RBBP8: variants seen among roughly 807,000 people sequenced by gnomAD.
The protein encoded by RBBP8 is RB binding protein 8, endonuclease, also known as DNA endonuclease RBBP8.
A neutral mutation model predicts 108.3 loss-of-function variants in RBBP8; 88 were observed. That is an observed-to-expected ratio of 0.81 (90% confidence interval 0.68 to 0.97). The LOEUF is 0.97. Among genes scored for constraint, RBBP8 ranks in the 50% least tolerant of loss-of-function variants. The pLI is 0.00. For synonymous variants in RBBP8, 332 were observed against 348.2 expected, an observed-to-expected ratio of 0.95 and a Z score of 0.52; for missense variants, 1,023 against 1,049.0, an observed-to-expected ratio of 0.98 and a Z score of 0.34.
chr18:22,996,969 A>G (rs1567988363), intron 13 of RBBP8, among the ~76,000 whole-genome samples: 1 of 152,214 alleles, frequency 6.6e-6, no homozygotes, highest in Non-Finnish European at 1.5e-5. Context: ...CTGCACATCC[A>G]GCCTAGGCAA....
intron 2 of RBBP8, among the ~76,000 whole-genome samples, chr18:22,938,278 C>T (rs1261972007): frequency 6.6e-6 from 1 of 152,120 alleles, no homozygotes; most frequent in Non-Finnish European, 1.5e-5. Context: ...ACTACAGGCG[C>T]ACGCACCATG....
intron 3 of RBBP8, among the ~76,000 whole-genome samples, chr18:22,921,946 A>C (rs999958935): frequency 6.6e-6 from 1 of 152,136 alleles, no homozygotes; most frequent in Non-Finnish European, 1.5e-5. Flanking sequence ...ACTACATTGG[A>C]CCCTCGAGTA....
chr18:23,015,435 T>A (rs950971569), intron 16 of RBBP8, among the ~76,000 whole-genome samples: 1 of 152,190 alleles, frequency 6.6e-6, no homozygotes, highest in East Asian at 1.9e-4. Context: ...AAGGCAGAAA[T>A]AAGAAGTAAT....
At chr18:22,924,638 G>A (rs750216285) in intron 3 of RBBP8, among the ~76,000 whole-genome samples, 1 of 151,560 alleles carries the variant, frequency 6.6e-6, no homozygotes, top group Non-Finnish European at 1.5e-5. Flanking sequence ...GCCCAGGCTG[G>A]TCTCAAACTT....
chr18:23,020,299 T>C (rs2144838770), intron 17 of RBBP8, among the ~76,000 whole-genome samples: 1 of 151,988 alleles, frequency 6.6e-6, no homozygotes, highest in Non-Finnish European at 1.5e-5. Context: ...TGCATGCCTG[T>C]TATCCCAGCT....
At chr18:22,926,816 A>C (rs1300241758) in intron 3 of RBBP8, among the ~76,000 whole-genome samples, 1 of 152,228 alleles carries the variant, frequency 6.6e-6, no homozygotes, top group Non-Finnish European at 1.5e-5. Flanking sequence ...TTTAATGTCC[A>C]TTATGAGCAT....
chr18:23,019,096 G>C lies in RBBP8; in HGVS notation c.2454+2172G>C, dbSNP rs562820640. On this transcript the variant is annotated intron_variant, in intron 17 of 18. Transcript: ENST00000327155. ...AAGCAGTTTGGCAATACAAGCAAAA[G>C]CCTATAATGTGAGTTCGTGAGTTTT... 1.2e-4 allele frequency among the ~76,000 whole-genome samples: 18 copies of C among 152,278 alleles called. No individual in the cohort carries two copies. In the South Asian group the frequency reaches 3.7e-3, roughly 32 times the overall value.
At chr18:23,025,084 G>A (rs2046431592) in intron 18 of RBBP8, among the ~76,000 whole-genome samples, 1 of 151,660 alleles carries the variant, frequency 6.6e-6, no homozygotes, top group South Asian at 2.1e-4. Context: ...CCTGGCTCTA[G>A]ACGAAATAAA....
chr18:22,926,811 T>A (rs1225783180), intron 3 of RBBP8, among the ~76,000 whole-genome samples: 1 of 152,220 alleles, frequency 6.6e-6, no homozygotes, highest in Non-Finnish European at 1.5e-5. Flanking sequence ...TACTCTTTAA[T>A]GTCCATTATG....
chr18:22,982,511 A>G, intron 7 of RBBP8, 118 bp downstream of exon 7: 4 of 1,557,250 alleles, frequency 2.6e-6, no homozygotes, highest in Non-Finnish European at 3.5e-6. Flanking sequence ...ATCCCATGGT[A>G]CAACTATGAG....
chr18:23,020,871 C>G (rs1170636864), intron 17 of RBBP8, among the ~76,000 whole-genome samples: 2 of 152,162 alleles, frequency 1.3e-5, no homozygotes, highest in African/African-American at 4.8e-5. Context: ...CTCATCTCAT[C>G]CCAAAGCCCA....
chr18:22,996,745 C>T (rs1373487475), intron 13 of RBBP8, among the ~76,000 whole-genome samples: 1 of 152,022 alleles, frequency 6.6e-6, no homozygotes, highest in Non-Finnish European at 1.5e-5. Context: ...GCCTGTAATC[C>T]CAACACTCTG....
intron 18 of RBBP8, among the ~76,000 whole-genome samples, chr18:23,023,140 CT>C: frequency 6.6e-6 from 1 of 152,112 alleles, no homozygotes; most frequent in South Asian, 2.1e-4. Flanking sequence ...TCAAGTGGTC[CT>C]CCTGCCTTGA....
In RBBP8 at chr18:23,026,322, T is replaced by C; in HGVS notation, c.*82T>C. 8.7e-7 allele frequency: 1 copy of C among 1,152,324 alleles called. No individual in the cohort carries two copies. Among genetic ancestry groups the C allele is most frequent in the South Asian group, 1.3e-5 (1 of 76,140 alleles). 71.4% of individuals were successfully genotyped at this position (1,152,324 alleles called of 1,614,324 possible). On this transcript the variant is annotated 3_prime_UTR_variant, in exon 19 of 19. Coordinates refer to ENST00000327155, the MANE Select transcript of RBBP8 (RefSeq NM_002894.3). The stretch of plus-strand genomic sequence containing the variant: ...AGTTAAAGTTGGTACTAAACATTGA[T>C]TTTTTTGATCTTCTGTAAATGGATT...
chr18:22,993,706 T>C lies in RBBP8; in HGVS notation c.1813-15T>C, dbSNP rs2045791427. On this transcript the variant is annotated splice_polypyrimidine_tract_variant and intron_variant, in intron 11 of 18. Coordinates refer to ENST00000327155, the MANE Select transcript of RBBP8 (RefSeq NM_002894.3). ...TTGTGATTTCATTTAGAGCTAACAA[T>C]TATTTCTGTTTTAGAGTGCTGGTTC... The C allele has an allele frequency of 1.7e-5, 28 of 1,614,194 alleles. No individual in the cohort carries two copies. Among genetic ancestry groups the C allele is most frequent in the Non-Finnish European group, 2.4e-5 (28 of 1,180,026 alleles).
At chr18:22,985,764 T>A (rs1915283424) in intron 8 of RBBP8, among the ~76,000 whole-genome samples, 2 of 151,924 alleles carry the variant, frequency 1.3e-5, no homozygotes, top group Non-Finnish European at 2.9e-5. Context: ...TGAGTAGATG[T>A]GAGTTAGAAT....
At chr18:22,955,925 C>G (rs1912492511) in intron 4 of RBBP8, among the ~76,000 whole-genome samples, 1 of 152,128 alleles carries the variant, frequency 6.6e-6, no homozygotes. Context: ...TTTACTATTT[C>G]ATGATGCCTC....
intron 2 of RBBP8, among the ~76,000 whole-genome samples, chr18:22,916,572 A>T (rs1909367699): frequency 6.6e-6 from 1 of 152,054 alleles, no homozygotes; most frequent in Non-Finnish European, 1.5e-5. Context: ...TGTGTTAATG[A>T]ATCTTTGGTG....
Position 22,989,313 on chromosome 18 carries a change from G to A in RBBP8, c.802G>A (p.Glu268Lys). 6.3e-7 allele frequency: 1 copy of A among 1,588,170 alleles called. No individual in the cohort carries two copies. Among genetic ancestry groups the A allele is most frequent in the Non-Finnish European group, 8.6e-7 (1 of 1,157,094 alleles). ...AETLGLGVQE[E>K]SETQGPMSPL... ...AACACTTGGACTTGGTGTTCAAGAA[G>A]AATCTGTAAGTAATTGTTTAGTTTG... The change falls in exon 9 of 19, where the codon GAA becomes AAA. Residue 268 changes from glutamate to lysine, a missense_variant. Transcript: ENST00000327155.
Sources: gnomAD v4.1 joint callset for allele counts (sites outside exome capture counted in the v4.1 genomes callset) on GRCh38, gnomAD v4.1.1 for gene constraint, MANE v1.5 for transcripts, NCBI Gene and HGNC (gene_info 2026-07-23, HGNC 2026-07-21) for gene names.